FAM227B: variants seen among roughly 807,000 people sequenced by gnomAD.
FAM227B encodes the protein family with sequence similarity 227 member B, also known as protein FAM227B.
FAM227B carries 88 observed loss-of-function variants against 73.8 expected under a neutral mutation model. That is an observed-to-expected ratio of 1.19 (90% CI 1.00 to 1.42). The LOEUF (loss-of-function observed/expected upper bound fraction) is 1.42. Ranked by LOEUF, FAM227B falls within the 40% of genes most tolerant of loss-of-function variation. FAM227B has a pLI of 0.00. For synonymous variants in FAM227B, 210 were observed against 190.5 expected (o/e 1.10, Z -0.84); for missense variants, 632 against 590.9 (o/e 1.07, Z -0.72).
chr15:49,402,281 T>C (rs1004794267), intron 11 of FAM227B, among the ~76,000 whole-genome samples: 3 of 152,228 alleles, frequency 2.0e-5, no homozygotes, highest in Non-Finnish European at 1.5e-5. Flanking sequence ...ATTTGGGCTC[T>C]TTTTGGATTC....
At chr15:49,484,965 A>G (rs1316558981) in intron 11 of FAM227B, 7 of 152,498 alleles carry the variant, frequency 4.6e-5, no homozygotes, top group Admixed American at 6.6e-5. Flanking sequence ...ATCAAGCCAC[A>G]CTAACTATGG....
At chr15:49,519,451 A>C (rs969031042) in intron 10 of FAM227B, among the ~76,000 whole-genome samples, 6 of 152,188 alleles carry the variant, frequency 3.9e-5, no homozygotes, top group African/African-American at 1.4e-4. Context: ...CCCCTGCAGC[A>C]CACCTCTGCC....
At chr15:49,520,004 T>C (rs939287540) in intron 10 of FAM227B, among the ~76,000 whole-genome samples, 2 of 152,182 alleles carry the variant, frequency 1.3e-5, no homozygotes, top group Admixed American at 1.3e-4. Context: ...AGCACCCAAG[T>C]CACATCTTGA....
At chr15:49,505,428 CAT>C (rs763871903) in intron 11 of FAM227B, among the ~76,000 whole-genome samples, 4 of 151,954 alleles carry the variant, frequency 2.6e-5, no homozygotes, top group African/African-American at 4.8e-5. Flanking sequence ...GCTGAAAAAA[CAT>C]GTAATTATTT....
chr15:49,443,262 CTT>C (rs2151847175), intron 11 of FAM227B, among the ~76,000 whole-genome samples: 1 of 151,598 alleles, frequency 6.6e-6, no homozygotes, highest in East Asian at 1.9e-4. Context: ...ACTCAAAACT[CTT>C]TACTACTGAA....
At chr15:49,439,081 C>A (rs531639741) in intron 11 of FAM227B, among the ~76,000 whole-genome samples, 1 of 151,794 alleles carries the variant, frequency 6.6e-6, no homozygotes, top group Admixed American at 6.6e-5. Flanking sequence ...TCAGCTAGGG[C>A]TGAAGTCTTC....
chr15:49,404,131 GTTGT>G (rs763162548), intron 11 of FAM227B, among the ~76,000 whole-genome samples: 17 of 152,036 alleles, frequency 1.1e-4, no homozygotes, highest in Non-Finnish European at 1.9e-4. Context: ...CAAGAGACTG[GTTGT>G]TATGATTTGA....
chr15:49,615,522 T>C lies in FAM227B; in HGVS notation c.-72-279A>G, dbSNP rs2078234617. 2.6e-5 allele frequency among the ~76,000 whole-genome samples: 4 copies of C among 152,170 alleles called. 1 individual carries two copies. The highest frequency in any genetic ancestry group is 9.7e-5 in the African/African-American group (4 of 41,428). On this transcript the variant is annotated intron_variant, in intron 1 of 15. Coordinates refer to ENST00000299338, the MANE Select transcript of FAM227B (RefSeq NM_152647.3). ...CATGAGATCTGGTTGTTTAAAAGTG[T>C]GTAGCACCTCCCCCTTCACCCTTTT...
chr15:49,470,068 C>T (rs1035710670), intron 11 of FAM227B, among the ~76,000 whole-genome samples: 2 of 152,010 alleles, frequency 1.3e-5, no homozygotes, highest in African/African-American at 4.8e-5. Context: ...CTGCATACAA[C>T]CATAATCAAA....
At chr15:49,360,028 G>A (rs2043905692) in intron 13 of FAM227B, among the ~76,000 whole-genome samples, 1 of 138,954 alleles carries the variant, frequency 7.2e-6, no homozygotes, top group Admixed American at 8.0e-5. Context: ...TCATAGGTGG[G>A]AATTCAACAA....
intron 11 of FAM227B, among the ~76,000 whole-genome samples, chr15:49,439,672 A>C (rs1278760976): frequency 6.6e-6 from 1 of 151,764 alleles, no homozygotes; most frequent in African/African-American, 2.4e-5. Flanking sequence ...CCTTATTGGA[A>C]CTGCTAATCT....
intron 11 of FAM227B, among the ~76,000 whole-genome samples, chr15:49,376,451 A>T (rs573047968): frequency 5.8e-4 from 88 of 151,898 alleles, no homozygotes; most frequent in African/African-American, 2.0e-3. Context: ...TTATTACTGG[A>T]CTCTCCAGTC....
chr15:49,328,044 T>C lies in FAM227B; in HGVS notation c.*524A>G. On this transcript the variant is annotated 3_prime_UTR_variant, in exon 16 of 16. Transcript: ENST00000299338. ...CCTGCGGACAAGCTGCCCAGCTTTC[T>C]AGCAAATGTGCACAAAGCTTATTAC... is the stretch of plus-strand genomic sequence containing the variant. 6.2e-7 allele frequency: 1 copy of C among 1,614,078 alleles called. No homozygotes were observed. Among genetic ancestry groups the C allele is most frequent in the Non-Finnish European group, 8.5e-7 (1 of 1,179,942 alleles).
At chr15:49,619,024 T>C (rs965408424) in intron 1 of FAM227B, among the ~76,000 whole-genome samples, 2 of 152,268 alleles carry the variant, frequency 1.3e-5, no homozygotes, top group Non-Finnish European at 2.9e-5. Flanking sequence ...TTTTTAGAGT[T>C]AACCTTGGGT....
chr15:49,535,898 G>A (rs1362147000), intron 10 of FAM227B, among the ~76,000 whole-genome samples: 3 of 151,486 alleles, frequency 2.0e-5, no homozygotes, highest in Non-Finnish European at 4.4e-5. Context: ...TTTAGATGTA[G>A]AAATAAAGTT....
intron 11 of FAM227B, among the ~76,000 whole-genome samples, chr15:49,402,505 C>A (rs1435779073): frequency 6.6e-6 from 1 of 152,122 alleles, no homozygotes; most frequent in Non-Finnish European, 1.5e-5. Flanking sequence ...CCCTTGTTAG[C>A]TGTAATTCCT....
chr15:49,437,848 A>ATACTG (rs2051252859), intron 11 of FAM227B, among the ~76,000 whole-genome samples: 2 of 151,780 alleles, frequency 1.3e-5, no homozygotes, highest in African/African-American at 4.8e-5. Flanking sequence ...AAGTACTGTG[A>ATACTG]AAAAGGTATG....
chr15:49,384,226 G>C (rs542085284), intron 11 of FAM227B, among the ~76,000 whole-genome samples: 1 of 152,180 alleles, frequency 6.6e-6, no homozygotes, highest in East Asian at 1.9e-4. Context: ...AAGCCGATTT[G>C]TGTTACAACC....
chr15:49,552,942 T>A (rs912031406), intron 9 of FAM227B, among the ~76,000 whole-genome samples: 4 of 152,212 alleles, frequency 2.6e-5, no homozygotes, highest in Non-Finnish European at 4.4e-5. Flanking sequence ...AGGTCACATA[T>A]CTCTGTTTCT....
Sources: allele counts gnomAD v4.1 joint callset (sites outside exome capture counted in the v4.1 genomes callset), GRCh38; gene constraint gnomAD v4.1.1; transcripts MANE v1.5; gene names NCBI Gene and HGNC (gene_info 2026-07-23, HGNC 2026-07-21).